The following RABGAP1L variants were observed in gnomAD, a reference collection of about 807,000 sequenced individuals.
The protein encoded by RABGAP1L is rab GTPase-activating protein 1-like.
In RABGAP1L, 63 loss-of-function variants were observed where a neutral mutation model predicts 137.7. That is an observed-to-expected ratio of 0.46 (90% CI 0.37 to 0.56). RABGAP1L has a LOEUF of 0.56. Ranked by LOEUF, RABGAP1L falls within the 20% of genes least tolerant of loss-of-function variation. The probability of loss-of-function intolerance (pLI) is 0.00; values close to 1 mark genes in which losing one functional copy is unlikely to be tolerated. For synonymous variants in RABGAP1L, 431 were observed against 433.7 expected (o/e 0.99, Z 0.08); for missense variants, 1,095 against 1,244.0 (o/e 0.88, Z 1.80).
chr1:174,239,066 T>G (rs1009573036), intron 4 of RABGAP1L: 1 of 154,588 alleles, frequency 6.5e-6, no homozygotes, highest in South Asian at 2.0e-4. Flanking sequence ...TTGACTCAGA[T>G]AGGGAACTCC....
intron 13 of RABGAP1L, among the ~76,000 whole-genome samples, chr1:174,461,304 C>T (rs1656664895): frequency 6.6e-6 from 1 of 151,920 alleles, no homozygotes; most frequent in African/African-American, 2.4e-5. Flanking sequence ...TAAGCACTGA[C>T]CCCAGGCCTG....
intron 19 of RABGAP1L, among the ~76,000 whole-genome samples, chr1:174,870,640 A>T (rs557330170): frequency 1.2e-3 from 178 of 152,264 alleles, no homozygotes; most frequent in African/African-American, 4.0e-3. Context: ...AGGAATAATT[A>T]TGGTATCTAG....
At chr1:174,366,858 C>G (rs1165725298) in intron 11 of RABGAP1L, among the ~76,000 whole-genome samples, 1 of 147,592 alleles carries the variant, frequency 6.8e-6, no homozygotes, top group East Asian at 2.1e-4. Flanking sequence ...GCTCAAGGAA[C>G]TAAAGAAGTC....
At position 174,231,338 on chromosome 1, in the gene RABGAP1L, T is replaced by TC. The variant is rs1159130300; in HGVS notation, c.527dup (p.Glu177ArgfsTer22). ...CTGTTACCCTGTATGTACCAAATGT[T>TC]CCAGAAGGTTCTGTGAGGTAAGCTC... On this transcript the variant is annotated frameshift_variant, in exon 4 of 26. Transcript: ENST00000681986. LOFTEE classifies it high-confidence loss of function. The TC allele has an allele frequency of 6.2e-7, 1 of 1,613,958 alleles. No homozygotes were observed. Among genetic ancestry groups the TC allele is most frequent in the Admixed American group, 1.7e-5 (1 of 60,006 alleles).
chr1:174,872,948 T>C (rs1652439616), intron 19 of RABGAP1L, among the ~76,000 whole-genome samples: 1 of 152,216 alleles, frequency 6.6e-6, no homozygotes, highest in Admixed American at 6.5e-5. Context: ...CCTAGGAACA[T>C]CTGGAAGAAT....
chr1:174,738,749 T>C (rs909147650), intron 17 of RABGAP1L, among the ~76,000 whole-genome samples: 1 of 152,216 alleles, frequency 6.6e-6, no homozygotes, highest in African/African-American at 2.4e-5. Context: ...AGTATAGTAT[T>C]AATGAACTTC....
At chr1:174,458,342 A>T (rs925046026) in intron 13 of RABGAP1L, among the ~76,000 whole-genome samples, 10 of 151,464 alleles carry the variant, frequency 6.6e-5, no homozygotes, top group South Asian at 2.1e-4. Flanking sequence ...CAGAAAAAAA[A>T]TTTTTTTCTG....
intron 10 of RABGAP1L, among the ~76,000 whole-genome samples, chr1:174,281,541 C>T (rs185105106): frequency 2.7e-4 from 41 of 152,312 alleles, no homozygotes; most frequent in East Asian, 1.5e-3. Flanking sequence ...CAGCCGGATT[C>T]GCCTCTCACC....
chr1:174,555,769 GACT>G (rs1009067992), intron 13 of RABGAP1L, among the ~76,000 whole-genome samples: 3 of 152,056 alleles, frequency 2.0e-5, no homozygotes, highest in African/African-American at 7.2e-5. Context: ...AGGATTTAGG[GACT>G]ACATTATGGT....
intron 13 of RABGAP1L, among the ~76,000 whole-genome samples, chr1:174,430,612 A>T (rs1652519908): frequency 6.6e-6 from 1 of 152,240 alleles, no homozygotes; most frequent in South Asian, 2.1e-4. Flanking sequence ...AAAGCAAGTT[A>T]GAAGAGCAGA....
chr1:174,850,167 A>C, intron 19 of RABGAP1L: 1 of 434,146 alleles, frequency 2.3e-6, no homozygotes, highest in Non-Finnish European at 4.5e-6. Flanking sequence ...TGCAGCCCCC[A>C]TCTCCTCATA....
chr1:174,511,428 G>A lies in RABGAP1L; in HGVS notation c.1710+117283G>A, dbSNP rs541116638. Among the ~76,000 whole-genome samples the A allele has an allele frequency of 2.8e-3, 426 of 152,186 alleles. 4 individuals are homozygous for A. The highest frequency in any genetic ancestry group is 9.7e-3 in the African/African-American group (403 of 41,548). On this transcript the variant is annotated intron_variant, in intron 13 of 25. Coordinates refer to ENST00000681986, the MANE Select transcript of RABGAP1L (RefSeq NM_001366446.1). ...GCTTACTCTAAGAAGCATGAATTTAGAACACAAGAAACTAAAATAAATTAA... is the reference window on the plus strand; with the variant it reads ...GCTTACTCTAAGAAGCATGAATTTAAAACACAAGAAACTAAAATAAATTAA...
At chr1:174,601,137 G>C (rs1350349397) in intron 13 of RABGAP1L, among the ~76,000 whole-genome samples, 2 of 152,146 alleles carry the variant, frequency 1.3e-5, no homozygotes, top group African/African-American at 4.8e-5. Context: ...GCTGTACATT[G>C]GCCCCTTTCA....
At chr1:174,213,357 G>A (rs529789859) in intron 1 of RABGAP1L, among the ~76,000 whole-genome samples, 28 of 152,274 alleles carry the variant, frequency 1.8e-4, no homozygotes, top group Non-Finnish European at 2.8e-4. Flanking sequence ...CCTGGGAGGT[G>A]GAGGTTGCAG....
chr1:174,973,535 A>C (rs946102663), intron 21 of RABGAP1L, among the ~76,000 whole-genome samples: 1 of 151,416 alleles, frequency 6.6e-6, no homozygotes, highest in African/African-American at 2.4e-5. Flanking sequence ...CAGGTGCCCA[A>C]AACCATGCCT....
chr1:174,550,823 T>A (rs1284654695), intron 13 of RABGAP1L, among the ~76,000 whole-genome samples: 2 of 134,782 alleles, frequency 1.5e-5, no homozygotes, highest in African/African-American at 5.8e-5. Context: ...ATTGAAATCA[T>A]CCTGGCTAAC....
chr1:174,414,171 T>C (rs1650274391), intron 13 of RABGAP1L, among the ~76,000 whole-genome samples: 1 of 152,146 alleles, frequency 6.6e-6, no homozygotes. Context: ...TTTTTCTTAA[T>C]TTTTTTGATA....
In RABGAP1L at chr1:174,546,897, G is replaced by A. The variant is rs1047324855; in HGVS notation, c.1711-90478G>A. On this transcript the variant is annotated intron_variant, in intron 13 of 25. Coordinates refer to ENST00000681986, the MANE Select transcript of RABGAP1L (RefSeq NM_001366446.1). Reference sequence around the variant, plus strand: ...TACAAAAAATTAGCCGGGCGTGGTGGCGGGCACCTGTAATCCCAGCTACTT... The same window carrying A: ...TACAAAAAATTAGCCGGGCGTGGTGACGGGCACCTGTAATCCCAGCTACTT... Among the ~76,000 whole-genome samples the A allele has an allele frequency of 4.0e-5, 6 of 151,454 alleles. No individual in the cohort carries two copies. In the East Asian group the frequency reaches 1.2e-3, roughly 29 times the overall value.
At chr1:174,324,461 A>G (rs954518551) in intron 11 of RABGAP1L, among the ~76,000 whole-genome samples, 18 of 152,162 alleles carry the variant, frequency 1.2e-4, no homozygotes, top group African/African-American at 4.3e-4. Context: ...AGGAAAATGT[A>G]TTCAGTTTTA....
Sources: gnomAD v4.1 joint callset for allele counts (sites outside exome capture counted in the v4.1 genomes callset) on GRCh38, gnomAD v4.1.1 for gene constraint, MANE v1.5 for transcripts, NCBI Gene and HGNC (gene_info 2026-07-23, HGNC 2026-07-21) for gene names.